CTNNA2: variants seen among roughly 807,000 people sequenced by gnomAD.
CTNNA2 encodes catenin alpha-2.
A neutral mutation model predicts 101.0 loss-of-function variants in CTNNA2; 42 were observed. The ratio of observed to expected loss-of-function variants is 0.42; its 90% CI spans 0.32 to 0.54. The LOEUF (loss-of-function observed/expected upper bound fraction) is 0.54. Among genes scored for constraint, CTNNA2 ranks in the 20% least tolerant of loss-of-function variants. The probability of loss-of-function intolerance (pLI) is 0.14; values close to 1 mark genes in which losing one functional copy is unlikely to be tolerated. For synonymous variants in CTNNA2, 450 were observed against 456.4 expected (o/e 0.99, Z 0.18); for missense variants, 871 against 1,223.1 (o/e 0.71, Z 4.29).
At chr2:79,616,407 A>G (rs927869530) in intron 1 of CTNNA2, among the ~76,000 whole-genome samples, 1 of 152,232 alleles carries the variant, frequency 6.6e-6, no homozygotes, top group Non-Finnish European at 1.5e-5. Flanking sequence ...AACAGTCACT[A>G]TTTACGGTAG....
intron 4 of CTNNA2, among the ~76,000 whole-genome samples, chr2:79,492,903 A>C (rs897951546): frequency 6.6e-6 from 1 of 152,220 alleles, no homozygotes; most frequent in African/African-American, 2.4e-5. Flanking sequence ...AAGTTGGCTT[A>C]ATATCTGAAA....
intron 12 of CTNNA2, among the ~76,000 whole-genome samples, chr2:80,570,683 T>A (rs3755104): frequency 0.16 from 23,670 of 151,358 alleles, 1,894 homozygotes; most frequent in South Asian, 0.21. Flanking sequence ...ATTTTAAAAA[T>A]AAAGAACTTG....
At chr2:79,904,061 C>T (rs941153381) in intron 6 of CTNNA2, among the ~76,000 whole-genome samples, 9 of 152,098 alleles carry the variant, frequency 5.9e-5, no homozygotes, top group Admixed American at 5.9e-4. Flanking sequence ...CCTCCTAGCC[C>T]ATCTGCATTG....
At chr2:79,354,859 A>C (rs1396708038) in intron 3 of CTNNA2, among the ~76,000 whole-genome samples, 1 of 152,120 alleles carries the variant, frequency 6.6e-6, no homozygotes, top group Admixed American at 6.6e-5. Context: ...CTTCAATGTC[A>C]GTGCCTCTCT....
intron 9 of CTNNA2, among the ~76,000 whole-genome samples, chr2:80,537,523 T>C (rs1691144543): frequency 6.6e-6 from 1 of 152,106 alleles, no homozygotes; most frequent in African/African-American, 2.4e-5. Flanking sequence ...ATGGTTGAAC[T>C]AATTACACTC....
At chr2:79,372,426 C>A (rs1677893042) in intron 3 of CTNNA2, among the ~76,000 whole-genome samples, 1 of 152,120 alleles carries the variant, frequency 6.6e-6, no homozygotes, top group Non-Finnish European at 1.5e-5. Flanking sequence ...CTTCTCCATT[C>A]CCAAGGTAAT....
At chr2:79,956,898 G>T (rs1174796902) in intron 7 of CTNNA2, among the ~76,000 whole-genome samples, 1 of 132,990 alleles carries the variant, frequency 7.5e-6, no homozygotes, top group East Asian at 2.1e-4. Context: ...AGGCAGTTAG[G>T]TTTGAAAGGA....
At chr2:79,759,265 C>T (rs946832638) in intron 3 of CTNNA2, among the ~76,000 whole-genome samples, 29 of 152,064 alleles carry the variant, frequency 1.9e-4, no homozygotes, top group African/African-American at 5.1e-4. Flanking sequence ...CGATGATGCG[C>T]GTCTGTAATC....
At chr2:79,334,738 C>A (rs1267177483) in intron 3 of CTNNA2, among the ~76,000 whole-genome samples, 1 of 152,058 alleles carries the variant, frequency 6.6e-6, no homozygotes, top group African/African-American at 2.4e-5. Context: ...TGTGATCTGG[C>A]AAGGAGAGAA....
chr2:80,488,858 T>A (rs866685799), intron 9 of CTNNA2, among the ~76,000 whole-genome samples: 1 of 152,180 alleles, frequency 6.6e-6, no homozygotes, highest in African/African-American at 2.4e-5. Flanking sequence ...AAAGTAGGAA[T>A]GAGGAATCCA....
At chr2:80,531,354 T>A (rs979177255) in intron 9 of CTNNA2, among the ~76,000 whole-genome samples, 5 of 152,322 alleles carry the variant, frequency 3.3e-5, no homozygotes, top group Admixed American at 3.3e-4. Context: ...GGGCTACCCA[T>A]ACAGACTGCT....
Position 80,378,090 on chromosome 2 carries a change from C to G in CTNNA2, c.1057-15121C>G, listed in dbSNP as rs1163516416. Among the ~76,000 whole-genome samples, 3 of 152,086 alleles carry G rather than the reference C, an allele frequency of 2.0e-5. No homozygotes were observed. The East Asian group carries it at 5.8e-4, about 29-fold the overall frequency. On this transcript the variant is annotated intron_variant, in intron 7 of 18. Coordinates refer to ENST00000402739, the MANE Select transcript of CTNNA2 (RefSeq NM_001282597.3). ...AGAGAAGGGGGCCAGGCGCAGGTGG[C>G]TCAAGCCTGTAATCCCAGCACTTTG...
At chr2:80,463,077 G>A (rs116623509) in intron 9 of CTNNA2, among the ~76,000 whole-genome samples, 2,006 of 152,144 alleles carry the variant, frequency 0.013, 44 homozygotes, top group African/African-American at 0.046. Context: ...GCTGTGATGC[G>A]ATGCTTACTT....
At chr2:80,347,490 C>T (rs1672847750) in intron 7 of CTNNA2, among the ~76,000 whole-genome samples, 2 of 152,116 alleles carry the variant, frequency 1.3e-5, no homozygotes, top group South Asian at 4.1e-4. Flanking sequence ...GTCACATGAA[C>T]GATCCAACCT....
intron 18 of CTNNA2, among the ~76,000 whole-genome samples, chr2:80,647,210 T>C (rs148976337): frequency 1.8e-3 from 277 of 152,246 alleles, no homozygotes; most frequent in African/African-American, 6.4e-3. Context: ...AAATAGCCTA[T>C]AGATAGATAC....
intron 2 of CTNNA2, among the ~76,000 whole-genome samples, chr2:79,716,052 T>C (rs1686077608): frequency 6.6e-6 from 1 of 150,604 alleles, no homozygotes; most frequent in Admixed American, 6.6e-5. Flanking sequence ...TTTCAGACAA[T>C]ATCTTCCCCC....
chr2:80,504,891 G>C (rs866391756), intron 9 of CTNNA2, among the ~76,000 whole-genome samples: 1 of 152,156 alleles, frequency 6.6e-6, no homozygotes, highest in Non-Finnish European at 1.5e-5. Context: ...AGTCAGGAAA[G>C]ATATTTTCCC....
chr2:80,217,815 G>A (rs1035635118), intron 7 of CTNNA2, among the ~76,000 whole-genome samples: 110 of 152,126 alleles, frequency 7.2e-4, no homozygotes, highest in African/African-American at 2.6e-3. Flanking sequence ...TTCAGGGCTG[G>A]ACCACTTGAT....
intron 4 of CTNNA2, among the ~76,000 whole-genome samples, chr2:79,376,732 G>T (rs921626038): frequency 6.6e-6 from 1 of 151,898 alleles, no homozygotes; most frequent in Non-Finnish European, 1.5e-5. Flanking sequence ...GAGAACATGC[G>T]GTGTTTGGTT....
Sources: allele counts gnomAD v4.1 joint callset (sites outside exome capture counted in the v4.1 genomes callset), GRCh38; gene constraint gnomAD v4.1.1; transcripts MANE v1.5; gene names NCBI Gene and HGNC (gene_info 2026-07-23, HGNC 2026-07-21).